CDIN1: variants seen among roughly 807,000 people sequenced by gnomAD.
The protein encoded by CDIN1 is CDAN1-interacting nuclease 1.
CDIN1 carries 33 observed loss-of-function variants against 45.3 expected under a neutral mutation model. The ratio of observed to expected loss-of-function variants is 0.73; its 90% confidence interval spans 0.55 to 0.97. The LOEUF (loss-of-function observed/expected upper bound fraction) is 0.97. CDIN1 is among the 50% of genes least tolerant of loss of function. The probability of loss-of-function intolerance (pLI) is 0.00; values close to 1 mark genes in which losing one functional copy is unlikely to be tolerated. For missense variants in CDIN1, 303 were observed against 339.4 expected, an observed-to-expected ratio of 0.89 and a Z score of 0.84; for synonymous variants, 118 against 124.4, an observed-to-expected ratio of 0.95 and a Z score of 0.34.
chr15:36,729,898 T>C (rs2043777889), intron 10 of CDIN1, among the ~76,000 whole-genome samples: 1 of 152,216 alleles, frequency 6.6e-6, no homozygotes, highest in Non-Finnish European at 1.5e-5. Flanking sequence ...CCCAGGCTCC[T>C]GTTGGTCAAA....
At chr15:36,614,214 C>T (rs2140284292) in intron 1 of CDIN1, 1 of 637,614 alleles carries the variant, frequency 1.6e-6, no homozygotes, top group East Asian at 3.2e-5. Flanking sequence ...GCCCCATTCC[C>T]ACCCTGCTGC....
intron 3 of CDIN1, among the ~76,000 whole-genome samples, chr15:36,645,531 T>C (rs986332945): frequency 7.5e-5 from 11 of 147,388 alleles, no homozygotes; most frequent in African/African-American, 1.2e-4. Context: ...TGTGTGTGTG[T>C]GCCCATACTA....
chr15:36,739,587 G>A (rs543037349), intron 10 of CDIN1, among the ~76,000 whole-genome samples: 89 of 152,264 alleles, frequency 5.8e-4, no homozygotes, highest in Non-Finnish European at 1.1e-3. Context: ...TTTGGAGATC[G>A]TGTTACAATA....
At chr15:36,596,206 A>T (rs2037825556) in intron 1 of CDIN1, among the ~76,000 whole-genome samples, 1 of 151,190 alleles carries the variant, frequency 6.6e-6, no homozygotes, top group Admixed American at 6.6e-5. Context: ...TTTTTTAAAG[A>T]AGTTTTGGAT....
chr15:36,627,738 A>C (rs1324214724), intron 1 of CDIN1: 6 of 152,416 alleles, frequency 3.9e-5, no homozygotes, highest in Non-Finnish European at 8.8e-5. Context: ...CTGCTGCCCC[A>C]GCTGGACCAA....
At chr15:36,798,633 AT>A (rs1423804956) in intron 10 of CDIN1, 2 of 152,164 alleles carry the variant, frequency 1.3e-5, no homozygotes, top group Non-Finnish European at 2.9e-5. Context: ...GCAGACTTTT[AT>A]ATATCCAAAA....
intron 1 of CDIN1, among the ~76,000 whole-genome samples, chr15:36,592,183 A>G (rs577211613): frequency 5.9e-5 from 9 of 152,358 alleles, no homozygotes; most frequent in Admixed American, 2.0e-4. Flanking sequence ...GCCAAACAGA[A>G]CAAGTCTGTG....
In CDIN1 at chr15:36,699,520, A is replaced by T. The variant is rs559402664; in HGVS notation, c.544+2130A>T. ...TTGATCCTTTGCTAAGCTGAAGTAA[A>T]ATCTCTCTCTCTCTCTGTTGGCTTC... is the stretch of plus-strand genomic sequence containing the variant. On this transcript the variant is annotated intron_variant, in intron 8 of 10. Transcript: ENST00000566621. 1.4e-4 allele frequency among the ~76,000 whole-genome samples: 21 copies of T among 152,136 alleles called. No homozygotes were observed. In the South Asian group the frequency reaches 4.4e-3, roughly 32 times the overall value.
intron 3 of CDIN1, among the ~76,000 whole-genome samples, chr15:36,646,812 G>A (rs1213805066): frequency 3.3e-5 from 5 of 151,892 alleles, no homozygotes; most frequent in Non-Finnish European, 7.4e-5. Flanking sequence ...CTGGAAATTC[G>A]GAGATCCACT....
chr15:36,771,587 T>C (rs1192791933), intron 10 of CDIN1, among the ~76,000 whole-genome samples: 3 of 152,184 alleles, frequency 2.0e-5, no homozygotes, highest in African/African-American at 7.2e-5. Context: ...TGGCCAGGTC[T>C]CTGTAGACCA....
intron 10 of CDIN1, among the ~76,000 whole-genome samples, chr15:36,778,557 AT>A (rs2054275674): frequency 2.0e-5 from 3 of 152,226 alleles, no homozygotes; most frequent in Admixed American, 1.3e-4. Context: ...GTTTCTTAGA[AT>A]TAATCAATAA....
chr15:36,801,269 G>C (rs1850110738), intron 10 of CDIN1, among the ~76,000 whole-genome samples: 2 of 151,848 alleles, frequency 1.3e-5, no homozygotes, highest in African/African-American at 4.8e-5. Context: ...CAGGTAGAGA[G>C]ACAAATTATG....
chr15:36,803,874 C>T (rs1004038307), intron 10 of CDIN1, among the ~76,000 whole-genome samples: 1 of 152,210 alleles, frequency 6.6e-6, no homozygotes, highest in Non-Finnish European at 1.5e-5. Context: ...TAAAATATGA[C>T]ACCAGAACTC....
intron 1 of CDIN1, among the ~76,000 whole-genome samples, chr15:36,585,417 T>A (rs1423986342): frequency 6.6e-6 from 1 of 152,232 alleles, no homozygotes; most frequent in African/African-American, 2.4e-5. Flanking sequence ...TTACTATTTC[T>A]TTGTCTTTTA....
At chr15:36,775,557 A>G (rs2270351) in intron 10 of CDIN1, among the ~76,000 whole-genome samples, 20 of 152,210 alleles carry the variant, frequency 1.3e-4, no homozygotes, top group African/African-American at 4.8e-4. Context: ...TATCAACTAC[A>G]CAGAGAGCAC....
intron 1 of CDIN1, among the ~76,000 whole-genome samples, chr15:36,625,921 A>G (rs1240487833): frequency 1.3e-5 from 2 of 152,100 alleles, no homozygotes; most frequent in East Asian, 3.9e-4. Context: ...TTACTGGATT[A>G]TTTTGTTACC....
intron 10 of CDIN1, among the ~76,000 whole-genome samples, chr15:36,806,552 G>A (rs2055232808): frequency 6.6e-6 from 1 of 152,108 alleles, no homozygotes; most frequent in Non-Finnish European, 1.5e-5. Context: ...ATAATAAAAT[G>A]GAAGAATGTG....
chr15:36,787,714 A>G (rs1566973300), intron 10 of CDIN1, among the ~76,000 whole-genome samples: 1 of 152,068 alleles, frequency 6.6e-6, no homozygotes, highest in Non-Finnish European at 1.5e-5. Context: ...TTTTAATCGT[A>G]CTATAGAGAT....
chr15:36,631,997 G>C (rs934511421), intron 1 of CDIN1, among the ~76,000 whole-genome samples: 5 of 151,798 alleles, frequency 3.3e-5, no homozygotes, highest in African/African-American at 1.2e-4. Flanking sequence ...CGCCCAGCTA[G>C]CTTTTTAAGG....
Sources: allele counts gnomAD v4.1 joint callset (sites outside exome capture counted in the v4.1 genomes callset), GRCh38; gene constraint gnomAD v4.1.1; transcripts MANE v1.5; gene names NCBI Gene and HGNC (gene_info 2026-07-23, HGNC 2026-07-21).